Variants in TADA3 observed in about 807,000 individuals in gnomAD.
TADA3 encodes transcriptional adapter 3.
A neutral mutation model predicts 43.2 loss-of-function variants in TADA3; 25 were observed. The ratio of observed to expected loss-of-function variants is 0.58; its 90% CI spans 0.42 to 0.81. The LOEUF (loss-of-function observed/expected upper bound fraction) is 0.81. Ranked by LOEUF, TADA3 falls within the 30% of genes least tolerant of loss-of-function variation. The pLI is 0.00. For synonymous variants in TADA3, 235 were observed against 225.5 expected (o/e 1.04, Z -0.38); for missense variants, 441 against 567.8 (o/e 0.78, Z 2.27).
chr3:9,789,401 G>T, intron 4 of TADA3, 108 bp downstream of exon 4: 2 of 1,004,844 alleles, frequency 2.0e-6, no homozygotes, highest in South Asian at 3.2e-5. Flanking sequence ...CAGCAGACTG[G>T]GCAGGGTTGG....
intron 7 of TADA3, 78 bp downstream of exon 7, chr3:9,785,238 G>T: frequency 8.5e-7 from 1 of 1,170,864 alleles, no homozygotes; most frequent in South Asian, 1.3e-5. Context: ...TACTGATGAG[G>T]ACTTCCCCAG....
At chr3:9,782,610 A>G (rs1054076755) in intron 8 of TADA3, among the ~76,000 whole-genome samples, 5 of 152,180 alleles carry the variant, frequency 3.3e-5, no homozygotes, top group East Asian at 1.9e-4. Flanking sequence ...CCCCAGCACA[A>G]TATCTAAGAG....
chr3:9,792,632 C>T, upstream of TADA3: 3 of 1,231,368 alleles, frequency 2.4e-6, no homozygotes, highest in Non-Finnish European at 3.0e-6. Flanking sequence ...GGGCACAGCC[C>T]GGGGCGGGAG....
At chr3:9,785,637 A>G (rs2078589598) in intron 6 of TADA3, among the ~76,000 whole-genome samples, 1 of 152,248 alleles carries the variant, frequency 6.6e-6, no homozygotes, top group Admixed American at 6.5e-5. Context: ...AAAAAGGAAC[A>G]CAGAAGAGAA....
Position 9,780,350 on chromosome 3 carries a change from G to A in TADA3, c.*7C>T. 6.2e-7 allele frequency: 1 copy of A among 1,609,528 alleles called. No homozygotes were observed. On this transcript the variant is annotated 3_prime_UTR_variant, in exon 9 of 9. Coordinates refer to ENST00000301964, the MANE Select transcript of TADA3 (RefSeq NM_006354.5). ...GCCAGATAATCAGCCTGAGGCAGGG[G>A]TGAGGGCTACCCATCCAGCAGCTTC...
At position 9,780,352 on chromosome 3, in the gene TADA3, G is replaced by T; in HGVS notation, c.*5C>A. The T allele has an allele frequency of 6.2e-7, 1 of 1,609,622 alleles. No homozygotes were observed. The highest frequency in any genetic ancestry group is 8.5e-7 in the Non-Finnish European group (1 of 1,177,716). On this transcript the variant is annotated 3_prime_UTR_variant, in exon 9 of 9. Transcript: ENST00000301964. ...CAGATAATCAGCCTGAGGCAGGGGT[G>T]AGGGCTACCCATCCAGCAGCTTCAG...
At chr3:9,789,215 T>C (rs1366814240) in intron 4 of TADA3, among the ~76,000 whole-genome samples, 1 of 152,138 alleles carries the variant, frequency 6.6e-6, no homozygotes, top group Non-Finnish European at 1.5e-5. Context: ...GCTGTTTGGA[T>C]AGAAGTTGAT....
intron 8 of TADA3, among the ~76,000 whole-genome samples, chr3:9,781,889 G>A (rs1464959659): frequency 7.0e-6 from 1 of 143,858 alleles, no homozygotes; most frequent in Non-Finnish European, 1.5e-5. Flanking sequence ...ACCCAGGCTG[G>A]AGTACAGTGG....
chr3:9,793,006 G>T, upstream of TADA3: 1 of 1,521,762 alleles, frequency 6.6e-7, no homozygotes. Context: ...TCGGAGCATA[G>T]ATGGTACCGT....
At chr3:9,790,258 C>T (rs1013125361) in intron 2 of TADA3, among the ~76,000 whole-genome samples, 8 of 152,234 alleles carry the variant, frequency 5.3e-5, no homozygotes, top group Non-Finnish European at 2.9e-5. Context: ...GTCCTCTCAG[C>T]AAACCTTCAC....
intron 8 of TADA3, among the ~76,000 whole-genome samples, chr3:9,781,974 A>G (rs2078479850): frequency 2.0e-5 from 3 of 150,966 alleles, no homozygotes; most frequent in African/African-American, 7.3e-5. Flanking sequence ...GAGTAGGACT[A>G]TAGGCATGTG....
In TADA3 at chr3:9,786,944, A is replaced by G. The variant is rs1419521121; in HGVS notation, c.810+62T>C. 9.7e-6 allele frequency: 14 copies of G among 1,436,112 alleles called. No individual in the cohort carries two copies. The East Asian group carries it at 2.3e-4, about 23-fold the overall frequency. The allele number at this position is 1,436,112 out of a possible 1,614,324, so 89.0% of individuals were successfully genotyped here. A position where few individuals can be genotyped will look rare whatever the true frequency, so the allele number is the denominator to read the frequency against. ...AATGTATGATAAATTCCGATAAAAA[A>G]TAAGCATAACACATTAAAACACAAA... On this transcript the variant is annotated intron_variant, in intron 6 of 8. Coordinates refer to ENST00000301964, the MANE Select transcript of TADA3 (RefSeq NM_006354.5).
In TADA3 at chr3:9,784,117, C is replaced by T. The variant is rs757749744; in HGVS notation, c.1017G>A (p.Glu339=). ...ESEDRPAEDS[E]DEVLAELRKR... ...TGCGAAGCTCAGCAAGGACCTCATC[C>T]TCGGAGTCCTCTGCGGGGCGGTCCT... is the stretch of plus-strand genomic sequence containing the variant. The change falls in exon 8 of 9, where the codon GAG becomes GAA. Residue 339 remains glutamate (E), a synonymous_variant. Coordinates refer to ENST00000301964, the MANE Select transcript of TADA3 (RefSeq NM_006354.5). 8.1e-6 allele frequency: 13 copies of T among 1,614,076 alleles called. No homozygotes were observed. Among genetic ancestry groups the T allele is most frequent in the Middle Eastern group, 1.6e-4 (1 of 6,084 alleles).
chr3:9,787,749 T>A (rs1267144698), intron 4 of TADA3: 1 of 1,271,310 alleles, frequency 7.9e-7, no homozygotes, highest in East Asian at 5.5e-5. Context: ...AGAAATCAGA[T>A]AAGTGAAGTG....
At chr3:9,790,745 G>A (rs2078709587) in intron 2 of TADA3, among the ~76,000 whole-genome samples, 1 of 152,140 alleles carries the variant, frequency 6.6e-6, no homozygotes, top group Admixed American at 6.6e-5. Flanking sequence ...ACTAAGGTAG[G>A]TCCTATTATT....
intron 2 of TADA3, 112 bp downstream of exon 2, chr3:9,791,148 C>G: frequency 9.3e-7 from 1 of 1,072,188 alleles, no homozygotes; most frequent in African/African-American, 1.6e-5. Flanking sequence ...CTCTCTCCCT[C>G]TCCCCACAAA....
At chr3:9,781,532 A>C (rs568093462) in intron 8 of TADA3, 23 of 456,636 alleles carry the variant, frequency 5.0e-5, no homozygotes, top group African/African-American at 4.2e-4. Flanking sequence ...TGCCAGCAGA[A>C]GGCCTGCTTA....
chr3:9,783,773 C>T lies in TADA3; in HGVS notation c.1106+255G>A, dbSNP rs1410732958. 2.2e-5 allele frequency: 12 copies of T among 537,918 alleles called. No homozygotes were observed. The East Asian group carries it at 4.8e-4, about 22-fold the overall frequency. The allele number at this position is 537,918 out of a possible 1,614,324, so 33.3% of individuals were successfully genotyped here. The stretch of plus-strand genomic sequence containing the variant: ...AGCCTGGGTGACAGTGCGAGACTCC[C>T]TCTCAAAAAAAAACAAAACAAAAAC... On this transcript the variant is annotated intron_variant, in intron 8 of 8. Transcript: ENST00000301964.
At position 9,792,376 on chromosome 3, in the gene TADA3, C is replaced by A; in HGVS notation, c.-188G>T. The A allele has an allele frequency of 1.7e-6, 1 of 592,348 alleles. No individual in the cohort carries two copies. The highest frequency in any genetic ancestry group is 2.2e-6 in the Non-Finnish European group (1 of 460,360). The allele number at this position is 592,348 out of a possible 1,614,324, so 36.7% of individuals were successfully genotyped here. On this transcript the variant is annotated 5_prime_UTR_variant, in exon 1 of 9. Transcript: ENST00000301964. ...TCTCTAGGGACACCCTAGTGCGACC[C>A]CCGCCCCCTCTACCTCCTCGCTGCG...
Sources: allele counts gnomAD v4.1 joint callset (sites outside exome capture counted in the v4.1 genomes callset), GRCh38; gene constraint gnomAD v4.1.1; transcripts MANE v1.5; gene names NCBI Gene and HGNC (gene_info 2026-07-23, HGNC 2026-07-21).